PCTP: variants seen among roughly 807,000 people sequenced by gnomAD.
PCTP encodes START domain-containing protein 2.
Under a neutral mutation model 31.0 loss-of-function variants are expected in PCTP, and 27 were observed. The observed-to-expected ratio is 0.87, with a 90% CI of 0.64 to 1.20. The LOEUF is 1.20. PCTP is among the 50% of genes most tolerant of loss of function. PCTP has a pLI of 0.00. For missense variants in PCTP, 287 were observed against 268.2 expected, an observed-to-expected ratio of 1.07 and a Z score of -0.49; for synonymous variants, 108 against 101.2, an observed-to-expected ratio of 1.07 and a Z score of -0.40.
At chr17:55,770,877 A>T (rs1173128391) in intron 2 of PCTP, 9 of 411,602 alleles carry the variant, frequency 2.2e-5, no homozygotes. Context: ...GCACCACCAT[A>T]CCTGGCTGAT....
downstream of PCTP, among the ~76,000 whole-genome samples, chr17:55,778,531 G>A (rs1258496696): frequency 2.0e-5 from 3 of 151,626 alleles, no homozygotes; most frequent in African/African-American, 7.3e-5. Context: ...CATGAACCTG[G>A]AAGACTAAAT....
rs368173343 is a variant in PCTP at position 55,837,346 on chromosome 17, G to A, written n.506-5381G>A. Among the ~76,000 whole-genome samples the A allele has an allele frequency of 2.0e-4, 30 of 152,288 alleles. 2 individuals carry two copies. The highest frequency in any genetic ancestry group is 9.1e-4 in the Admixed American group (14 of 15,302). On this transcript the variant is annotated intron_variant and non_coding_transcript_variant, in intron 5 of 5. Transcript: ENST00000576221. ...TAATGGATTGGGGAGAGACAAGAAC[G>A]TGTGCACTAGACTCTTAGATTGTAT...
Position 55,773,906 on chromosome 17 carries a change from T to C in PCTP, c.511+11T>C. ...AGAAGGGGAGCAAAGGTAAAACCCATGGTGCCTGTCAGTGCACCCAGCCAG... is the reference window on the plus strand; with the variant it reads ...AGAAGGGGAGCAAAGGTAAAACCCACGGTGCCTGTCAGTGCACCCAGCCAG... On this transcript the variant is annotated intron_variant, in intron 4 of 5. Coordinates refer to ENST00000268896, the MANE Select transcript of PCTP (RefSeq NM_021213.4). 1 of 1,589,822 alleles carries C rather than the reference T, an allele frequency of 6.3e-7. No homozygotes were observed. Among genetic ancestry groups the C allele is most frequent in the Non-Finnish European group, 8.6e-7 (1 of 1,166,228 alleles).
intron 5 of PCTP, among the ~76,000 whole-genome samples, chr17:55,841,735 C>T (rs1442224750): frequency 6.6e-6 from 1 of 152,202 alleles, no homozygotes; most frequent in African/African-American, 2.4e-5. Flanking sequence ...AATCAGTCCT[C>T]TGTGATTCCA....
At chr17:55,838,465 A>G (rs1044308542) in intron 5 of PCTP, among the ~76,000 whole-genome samples, 2 of 152,158 alleles carry the variant, frequency 1.3e-5, no homozygotes, top group African/African-American at 4.8e-5. Context: ...AAATTCTCCT[A>G]CTATAACATC....
chr17:55,845,063 G>A (rs1162978390), downstream of PCTP, among the ~76,000 whole-genome samples: 2 of 125,556 alleles, frequency 1.6e-5, no homozygotes, highest in Admixed American at 8.8e-5. Context: ...CTCCAGCCTG[G>A]GCAACAAGGC....
intron 1 of PCTP, among the ~76,000 whole-genome samples, chr17:55,762,948 A>G (rs1460353154): frequency 6.6e-6 from 1 of 152,204 alleles, no homozygotes; most frequent in East Asian, 1.9e-4. Context: ...TACTTCCAAC[A>G]TAATCCTTTT....
In PCTP at chr17:55,795,178, G is replaced by A. The variant is rs62078573; in HGVS notation, c.317+7524G>A. On this transcript the variant is annotated intron_variant, in intron 3 of 3. Coordinates refer to the PCTP transcript ENST00000572536. Reference sequence around the variant, plus strand: ...TTATTAAAGGCATAAATGTGCAGTCGCATTTAATGGTGTTTATTTTGAAAC... The same window carrying A: ...TTATTAAAGGCATAAATGTGCAGTCACATTTAATGGTGTTTATTTTGAAAC... Among the ~76,000 whole-genome samples, 1,248 of 151,984 alleles carry A rather than the reference G, an allele frequency of 8.2e-3. 13 individuals carry two copies. Among genetic ancestry groups the A allele is most frequent in the Non-Finnish European group, 0.013 (851 of 67,908 alleles).
At chr17:55,767,474 T>G in intron 2 of PCTP, 22 bp downstream of exon 2, 4 of 1,159,444 alleles carry the variant, frequency 3.4e-6, no homozygotes, top group Non-Finnish European at 4.6e-6. Flanking sequence ...TTGCTTTTCT[T>G]TTTTTTTTAG....
downstream of PCTP, among the ~76,000 whole-genome samples, chr17:55,824,711 G>T (rs1481209696): frequency 2.0e-5 from 3 of 152,132 alleles, no homozygotes; most frequent in Non-Finnish European, 4.4e-5. Context: ...TTTAGCCTTG[G>T]AGAAGACCAA....
rs921900800 is a variant in PCTP at position 55,806,190 on chromosome 17, G to T, written c.318-16571G>T. 5.0e-4 allele frequency among the ~76,000 whole-genome samples: 76 copies of T among 152,042 alleles called. 1 individual carries two copies. Among genetic ancestry groups the T allele is most frequent in the African/African-American group, 1.7e-3 (71 of 41,398 alleles). ...GAAAAACAGAAAGAGAGGGGATCTAGACTCAAAATTTGGAGATCTGGGTTT... is the reference window on the plus strand; with the variant it reads ...GAAAAACAGAAAGAGAGGGGATCTATACTCAAAATTTGGAGATCTGGGTTT... On this transcript the variant is annotated intron_variant, in intron 3 of 3. Transcript: ENST00000572536.
In PCTP at chr17:55,751,172, C is replaced by G. The variant is rs533379969; in HGVS notation, c.69C>G (p.Pro23=). ...FWEACAELQQ[P]ALAGADWQLL... is the part of the protein sequence containing the mutation. ...AGGCCTGCGCCGAGCTCCAGCAGCC[C>G]GCTCTGGCCGGGGCCGACTGGCAGC... The change falls in exon 1 of 6, where the codon CCC becomes CCG. Residue 23 remains proline (P), a synonymous_variant. Transcript: ENST00000268896. 1.3e-3 allele frequency: 1,969 copies of G among 1,548,642 alleles called. 5 individuals are homozygous for G. Among genetic ancestry groups the G allele is most frequent in the Middle Eastern group, 3.4e-3 (20 of 5,876 alleles).
intron 5 of PCTP, among the ~76,000 whole-genome samples, chr17:55,832,652 G>T (rs1264877377): frequency 6.6e-6 from 1 of 152,194 alleles, no homozygotes; most frequent in African/African-American, 2.4e-5. Context: ...GAGAGCTGCT[G>T]CATGTAATCC....
At chr17:55,805,605 T>A in intron 3 of PCTP, among the ~76,000 whole-genome samples, 1 of 152,082 alleles carries the variant, frequency 6.6e-6, no homozygotes, top group East Asian at 1.9e-4. Context: ...TATATACATA[T>A]ATATACACAC....
At chr17:55,822,790 G>C (rs1905278284) in exon 4 of PCTP, 3 of 1,231,418 alleles carry the variant, frequency 2.4e-6, no homozygotes, top group Non-Finnish European at 3.0e-6. Context: ...GGGAAGCTCA[G>C]AATCAGAGAG....
At chr17:55,794,592 A>T (rs1335416504) in intron 3 of PCTP, among the ~76,000 whole-genome samples, 1 of 152,054 alleles carries the variant, frequency 6.6e-6, no homozygotes, top group Admixed American at 6.6e-5. Context: ...ATGCAATTTA[A>T]ATTATAAAAG....
chr17:55,776,606 A>G lies in PCTP; in HGVS notation c.*506A>G. The G allele has an allele frequency of 4.1e-6, 5 of 1,230,984 alleles. No homozygotes were observed. The highest frequency in any genetic ancestry group is 5.1e-6 in the Non-Finnish European group (5 of 988,054). 76.3% of individuals were successfully genotyped at this position (1,230,984 alleles called of 1,614,324 possible). ...TTCAGAGCTGACTTTCAGTGCACCC[A>G]AACTGGATGACGTGCCAATGTCCAT... is the stretch of plus-strand genomic sequence containing the variant. On this transcript the variant is annotated 3_prime_UTR_variant, in exon 6 of 6. Transcript: ENST00000268896.
chr17:55,851,471 C>G, the PCTP span, among the ~76,000 whole-genome samples: 3 of 152,172 alleles, frequency 2.0e-5, no homozygotes, highest in Non-Finnish European at 4.4e-5. Context: ...GGAGGCCAAC[C>G]ACACTGCAGA....
At chr17:55,774,738 A>C in intron 4 of PCTP, 54 bp from the exon 5 acceptor site, 1 of 1,381,666 alleles carries the variant, frequency 7.2e-7, no homozygotes, top group Non-Finnish European at 1.0e-6. Flanking sequence ...TTTTGTTGCT[A>C]TATTTTTCTG....
Sources: allele counts gnomAD v4.1 joint callset (sites outside exome capture counted in the v4.1 genomes callset), GRCh38; gene constraint gnomAD v4.1.1; transcripts MANE v1.5; gene names NCBI Gene and HGNC (gene_info 2026-07-23, HGNC 2026-07-21).